Variants in PLA2G4C observed in about 807,000 individuals in gnomAD.
The protein encoded by PLA2G4C is cytosolic phospholipase A2 gamma.
Under a neutral mutation model 73.8 loss-of-function variants are expected in PLA2G4C, and 64 were observed. The observed-to-expected ratio is 0.87, with a 90% CI of 0.71 to 1.07. PLA2G4C has a LOEUF of 1.07. Ranked by LOEUF, PLA2G4C falls within the 50% of genes least tolerant of loss-of-function variation. PLA2G4C has a pLI of 0.00. For missense variants in PLA2G4C, 622 were observed against 665.4 expected (o/e 0.93, Z 0.72); for synonymous variants, 254 against 252.1 (o/e 1.01, Z -0.07).
chr19:48,099,950 G>T, intron 4 of PLA2G4C, 90 bp from the exon 5 acceptor site: 2 of 816,408 alleles, frequency 2.4e-6, no homozygotes, highest in Non-Finnish European at 3.9e-6. Context: ...TCCTTCACAG[G>T]AACACCTGCC....
At chr19:48,099,263 T>C (rs2122674881) in intron 5 of PLA2G4C, among the ~76,000 whole-genome samples, 1 of 152,160 alleles carries the variant, frequency 6.6e-6, no homozygotes, top group East Asian at 1.9e-4. Flanking sequence ...AGCAAGACCC[T>C]GTCTCAAAAA....
At chr19:48,058,098 A>C (rs1378599534) in intron 14 of PLA2G4C, among the ~76,000 whole-genome samples, 1 of 151,724 alleles carries the variant, frequency 6.6e-6, no homozygotes, top group Non-Finnish European at 1.5e-5. Context: ...CGGGAGTTCA[A>C]GACCAGCCTG....
rs772562210 is a variant in PLA2G4C at position 48,074,763 on chromosome 19, G to A, written c.1006+4C>T. On this transcript the variant is annotated splice_donor_region_variant and intron_variant, in intron 12 of 16. Transcript: ENST00000599921. ...GATGACACTTATCACACTACACATG[G>A]TACCTTTCCTTTCGGGGTCCTCATG... 2.5e-6 allele frequency: 4 copies of A among 1,595,214 alleles called. No individual in the cohort carries two copies. In the Admixed American group the frequency reaches 6.7e-5, roughly 27 times the overall value.
At chr19:48,087,416 C>T (rs11564566) in intron 9 of PLA2G4C, among the ~76,000 whole-genome samples, 4,349 of 152,250 alleles carry the variant, frequency 0.029, 153 homozygotes, top group African/African-American at 0.084. Flanking sequence ...CATATCAGGG[C>T]GACTGCATCC....
In PLA2G4C at chr19:48,086,118, C is replaced by T. The variant is rs181673755; in HGVS notation, c.791-1006G>A. On this transcript the variant is annotated intron_variant, in intron 9 of 16. Coordinates refer to ENST00000599921, the MANE Select transcript of PLA2G4C (RefSeq NM_003706.3). ...GTGAATGAAAAGCAAGCTGCAGACA[C>T]GTGTGCAGGACCCTGGCACATGGCT... 1.7e-3 allele frequency among the ~76,000 whole-genome samples: 260 copies of T among 152,266 alleles called. 1 individual carries two copies. The highest frequency in any genetic ancestry group is 5.9e-3 in the African/African-American group (244 of 41,542).
In PLA2G4C at chr19:48,048,232, C is replaced by T. The variant is rs1473292506; in HGVS notation, c.*111G>A. The T allele has an allele frequency of 1.3e-6, 1 of 751,788 alleles. No individual in the cohort carries two copies. Among genetic ancestry groups the T allele is most frequent in the Non-Finnish European group, 2.2e-6 (1 of 450,170 alleles). 46.6% of individuals were successfully genotyped at this position (751,788 alleles called of 1,614,324 possible). On this transcript the variant is annotated 3_prime_UTR_variant, in exon 17 of 17. Transcript: ENST00000599921. ...GCCCTGTTAGGACAGCCAAGGTGAACTCAAGGCCATGAAGCGTGTGGCTGA... is the reference window on the plus strand; with the variant it reads ...GCCCTGTTAGGACAGCCAAGGTGAATTCAAGGCCATGAAGCGTGTGGCTGA...
At chr19:48,074,055 C>A (rs185573653) in intron 12 of PLA2G4C, among the ~76,000 whole-genome samples, 10 of 151,968 alleles carry the variant, frequency 6.6e-5, no homozygotes, top group Non-Finnish European at 1.2e-4. Context: ...TGTGCCATGG[C>A]GGTTTGCTGC....
intron 6 of PLA2G4C, among the ~76,000 whole-genome samples, chr19:48,096,510 G>A (rs1229863328): frequency 2.0e-5 from 3 of 152,114 alleles, no homozygotes; most frequent in African/African-American, 4.8e-5. Flanking sequence ...TTGAACCTGG[G>A]AGGCAGAGGT....
At chr19:48,066,215 G>A (rs1968415667) in intron 13 of PLA2G4C, among the ~76,000 whole-genome samples, 2 of 152,132 alleles carry the variant, frequency 1.3e-5, no homozygotes, top group South Asian at 2.1e-4. Flanking sequence ...CCATTTTTCA[G>A]GTTAACTTTG....
At chr19:48,082,476 T>A (rs75940592) in intron 10 of PLA2G4C, among the ~76,000 whole-genome samples, 7,450 of 147,714 alleles carry the variant, frequency 0.05, 244 homozygotes, top group Non-Finnish European at 0.072. Flanking sequence ...CTGCTTTTTT[T>A]TCTTTTTCTT....
At chr19:48,101,126 A>ATATATATATATT (rs1491313107) in intron 4 of PLA2G4C, among the ~76,000 whole-genome samples, 4 of 74,154 alleles carry the variant, frequency 5.4e-5, no homozygotes, top group South Asian at 4.4e-4. Context: ...ATATATATAT[A>ATATATATATATT]TTTTTTTTTT....
intron 7 of PLA2G4C, among the ~76,000 whole-genome samples, chr19:48,093,779 GGA>G (rs2031431439): frequency 6.6e-6 from 1 of 152,154 alleles, no homozygotes; most frequent in Admixed American, 6.5e-5. Context: ...AGATGTTGAG[GGA>G]GAGACCTGGT....
At chr19:48,100,391 C>T (rs1031114282) in intron 4 of PLA2G4C, among the ~76,000 whole-genome samples, 1 of 151,244 alleles carries the variant, frequency 6.6e-6, no homozygotes, top group Non-Finnish European at 1.5e-5. Flanking sequence ...TGGTGGCATG[C>T]GTGGTGGTGG....
At chr19:48,097,842 C>G (rs902948669) in intron 6 of PLA2G4C, 1 of 310,948 alleles carries the variant, frequency 3.2e-6, no homozygotes, top group South Asian at 1.2e-4. Flanking sequence ...TGGTCTCCAA[C>G]TTCTGGTTTC....
rs1395145457 is a variant in PLA2G4C, at chr19:48,098,128, T to C, written c.568+11A>G. On this transcript the variant is annotated intron_variant, in intron 6 of 16. Coordinates refer to ENST00000599921, the MANE Select transcript of PLA2G4C (RefSeq NM_003706.3). The stretch of plus-strand genomic sequence containing the variant: ...CTTACTACCTCTCCCTCCCTCTAAA[T>C]GTTTGCTTACCTGGTGCTCTTGCCT... The C allele has an allele frequency of 1.2e-6, 2 of 1,612,624 alleles. No individual in the cohort carries two copies. The highest frequency in any genetic ancestry group is 1.7e-6 in the Non-Finnish European group (2 of 1,179,270).
At chr19:48,061,450 T>TA (rs1968167103) in intron 14 of PLA2G4C, 1 of 155,220 alleles carries the variant, frequency 6.4e-6, no homozygotes, top group South Asian at 2.0e-4. Flanking sequence ...GCACAGAAGT[T>TA]ACGCACATTG....
At chr19:48,076,200 T>G (rs2030143841) in intron 11 of PLA2G4C, among the ~76,000 whole-genome samples, 1 of 152,194 alleles carries the variant, frequency 6.6e-6, no homozygotes, top group African/African-American at 2.4e-5. Context: ...CTACCTTCAC[T>G]CTGTACCTGA....
At chr19:48,079,625 G>T (rs1170684599) in intron 10 of PLA2G4C, among the ~76,000 whole-genome samples, 1 of 152,142 alleles carries the variant, frequency 6.6e-6, no homozygotes, top group Non-Finnish European at 1.5e-5. Flanking sequence ...TGTTGGCTTA[G>T]GCAACGAGTT....
Position 48,110,615 on chromosome 19 carries a change from G to A in PLA2G4C, c.-161C>T, listed in dbSNP as rs1049994996. The stretch of plus-strand genomic sequence containing the variant: ...CAGCTCCTTCAGCCGGAATCTCCGC[G>A]GGTGAAGACTGCGGGGATCCTCGGT... On this transcript the variant is annotated 5_prime_UTR_variant, in exon 1 of 17. Transcript: ENST00000599921. 6.1e-6 allele frequency: 5 copies of A among 816,486 alleles called. No homozygotes were observed. Among genetic ancestry groups the A allele is most frequent in the Non-Finnish European group, 4.9e-6 (3 of 608,872 alleles). 50.6% of individuals were successfully genotyped at this position (816,486 alleles called of 1,614,324 possible).
Sources: gnomAD v4.1 joint callset for allele counts (sites outside exome capture counted in the v4.1 genomes callset) on GRCh38, gnomAD v4.1.1 for gene constraint, MANE v1.5 for transcripts, NCBI Gene and HGNC (gene_info 2026-07-23, HGNC 2026-07-21) for gene names.